The following ITSN1 variants were observed in gnomAD, a reference collection of about 807,000 sequenced individuals.
ITSN1 encodes intersectin-1.
ITSN1 carries 58 observed loss-of-function variants against 239.8 expected under a neutral mutation model. The ratio of observed to expected loss-of-function variants is 0.24; its 90% CI spans 0.20 to 0.30. The LOEUF (loss-of-function observed/expected upper bound fraction) is 0.30, where lower values mean the gene tolerates loss of function less well. Ranked by LOEUF, ITSN1 falls within the 10% of genes least tolerant of loss-of-function variation. The pLI, the probability that ITSN1 is intolerant of heterozygous loss-of-function variation, is 1.00. For synonymous variants in ITSN1, 780 were observed against 770.8 expected (o/e 1.01, Z -0.20); for missense variants, 1,558 against 2,103.3 (o/e 0.74, Z 5.07).
intron 4 of ITSN1, among the ~76,000 whole-genome samples, chr21:33,729,600 G>C (rs1433929213): frequency 1.3e-5 from 2 of 152,156 alleles, no homozygotes; most frequent in Non-Finnish European, 2.9e-5. Context: ...CACAGAAACT[G>C]TGCTTTTCTC....
chr21:33,784,362 G>A (rs1210900501), intron 16 of ITSN1, among the ~76,000 whole-genome samples: 1 of 120,082 alleles, frequency 8.3e-6, no homozygotes, highest in Non-Finnish European at 1.9e-5. Flanking sequence ...CACTAGTCAG[G>A]TATGGTGGCA....
intron 1 of ITSN1, among the ~76,000 whole-genome samples, chr21:33,662,606 G>A (rs1178092221): frequency 2.6e-5 from 4 of 152,130 alleles, no homozygotes; most frequent in African/African-American, 9.7e-5. Flanking sequence ...TAATCAGGAA[G>A]GTTTCTTGGT....
At chr21:33,844,701 C>T (rs796751183) in intron 29 of ITSN1, among the ~76,000 whole-genome samples, 25 of 152,162 alleles carry the variant, frequency 1.6e-4, no homozygotes, top group African/African-American at 6.0e-4. Context: ...TTAGGCCCCC[C>T]AGGAGAGCGA....
chr21:33,806,598 G>A (rs973255614), intron 20 of ITSN1, among the ~76,000 whole-genome samples: 3 of 152,232 alleles, frequency 2.0e-5, no homozygotes, highest in African/African-American at 7.2e-5. Flanking sequence ...GCTACAATAT[G>A]CAGTGTGTAA....
intron 26 of ITSN1, among the ~76,000 whole-genome samples, chr21:33,828,654 CCTTCTTTT>C (rs2074111787): frequency 6.6e-6 from 1 of 152,060 alleles, no homozygotes; most frequent in East Asian, 1.9e-4. Flanking sequence ...GTCCTTCTTT[CCTTCTTTT>C]CTCCTTTCGT....
At chr21:33,723,917 T>A (rs1242324129) in intron 4 of ITSN1, among the ~76,000 whole-genome samples, 1 of 152,204 alleles carries the variant, frequency 6.6e-6, no homozygotes, top group East Asian at 1.9e-4. Context: ...CCTCTTAAAT[T>A]ACCAAACTTT....
intron 28 of ITSN1, 41 bp downstream of exon 28, chr21:33,834,465 G>A (rs1439473324): frequency 2.2e-6 from 3 of 1,348,132 alleles, no homozygotes; most frequent in Admixed American, 3.8e-5. Context: ...TGGTCTGCAT[G>A]CCACTTGAGT....
intron 34 of ITSN1, among the ~76,000 whole-genome samples, chr21:33,876,341 CT>C (rs1983911256): frequency 6.8e-6 from 1 of 146,684 alleles, no homozygotes; most frequent in Non-Finnish European, 1.5e-5. Flanking sequence ...TCCTTCCTTC[CT>C]TTCTCCTTCT....
At chr21:33,795,101 CA>C (rs2071435565) in intron 17 of ITSN1, among the ~76,000 whole-genome samples, 1 of 152,122 alleles carries the variant, frequency 6.6e-6, no homozygotes, top group Non-Finnish European at 1.5e-5. Flanking sequence ...CTCCACGAAA[CA>C]AAAATGACCA....
chr21:33,865,477 G>A lies in ITSN1; in HGVS notation c.4074+143G>A. On this transcript the variant is annotated intron_variant, in intron 32 of 39. Transcript: ENST00000381318. This position sits in a 1 kb window ranked among gnomAD's most constrained non-coding sequence, Gnocchi z 4.4. ...CTAGGGTCTTGGCTAAGCCTTAGGG[G>A]ACTGGCACTCACTGGCAAGTGTGGC... is the stretch of plus-strand genomic sequence containing the variant. The A allele has an allele frequency of 1.6e-6, 1 of 641,796 alleles. No homozygotes were observed. The highest frequency in any genetic ancestry group is 2.5e-6 in the Non-Finnish European group (1 of 399,966). 39.8% of individuals were successfully genotyped at this position (641,796 alleles called of 1,614,324 possible). A position where few individuals can be genotyped will look rare whatever the true frequency, so the allele number is the denominator to read the frequency against.
At position 33,750,174 on chromosome 21, in the gene ITSN1, T is replaced by G; in HGVS notation, c.378T>G (p.Leu126=). ...GAGGTATCGCCAGCATGCCACCGCT[T>G]ACAGCTGTTGCTCCAGTGCCAATGG... ...GMGGIASMPP[L]TAVAPVPMGS... is the part of the protein sequence containing the mutation. The change falls in exon 6 of 40, where the codon CTT becomes CTG. Residue 126 remains leucine, a synonymous_variant. Transcript: ENST00000381318. The G allele has an allele frequency of 6.2e-7, 1 of 1,614,164 alleles. No individual in the cohort carries two copies. The highest frequency in any genetic ancestry group is 1.1e-5 in the South Asian group (1 of 91,084).
At chr21:33,722,149 G>A (rs753177063) in intron 3 of ITSN1, among the ~76,000 whole-genome samples, 19 of 151,992 alleles carry the variant, frequency 1.3e-4, no homozygotes, top group Non-Finnish European at 2.1e-4. Flanking sequence ...CTCAGGTGTC[G>A]TTCTTAATCA....
chr21:33,767,599 A>G (rs1032064700), intron 10 of ITSN1, 114 bp from the exon 11 acceptor site: 56 of 507,362 alleles, frequency 1.1e-4, no homozygotes, highest in African/African-American at 1.0e-3. Flanking sequence ...CTTACTGTAA[A>G]TGAAATTTGC....
At chr21:33,860,450 C>A (rs1196695927) in intron 31 of ITSN1, among the ~76,000 whole-genome samples, 3 of 152,210 alleles carry the variant, frequency 2.0e-5, no homozygotes, top group African/African-American at 7.2e-5. Context: ...GGGCTTCCCC[C>A]ACTTCAGGGT....
chr21:33,755,429 T>G, intron 8 of ITSN1, 32 bp downstream of exon 8: 4 of 1,190,634 alleles, frequency 3.4e-6, no homozygotes, highest in Non-Finnish European at 4.9e-6. Flanking sequence ...TGAAATATGA[T>G]CTTTGTTTTC....
At chr21:33,799,619 TG>T (rs1199681132) in intron 18 of ITSN1, among the ~76,000 whole-genome samples, 188 bp from the exon 19 acceptor site, 11 of 152,172 alleles carry the variant, frequency 7.2e-5, no homozygotes, top group African/African-American at 2.7e-4. Context: ...CATGGGTTTT[TG>T]TTGCTGACGT....
chr21:33,672,714 ATT>A (rs1280113093), intron 1 of ITSN1, among the ~76,000 whole-genome samples: 9 of 142,626 alleles, frequency 6.3e-5, no homozygotes, highest in East Asian at 2.0e-4. Context: ...TATGGAAACG[ATT>A]TTTTTTTTTT....
chr21:33,758,997 T>C (rs1362274466), intron 8 of ITSN1, among the ~76,000 whole-genome samples: 6 of 152,222 alleles, frequency 3.9e-5, no homozygotes, highest in Non-Finnish European at 8.8e-5. Flanking sequence ...TTTTGCAACA[T>C]TGATTTAGGA....
In ITSN1 at chr21:33,782,045, G is replaced by A. The variant is rs749894224; in HGVS notation, c.1736G>A (p.Arg579Gln). Residue 579 changes from arginine to glutamine, a missense_variant, in exon 16 of 40, where the codon CGG becomes CAG. Physicochemically the swap from Arg to Gln is conservative, Grantham distance 43. Transcript: ENST00000381318. The part of the protein sequence containing the change: ...KRALEAKELA[R>Q]QHLRDQLDEV... The stretch of plus-strand genomic sequence containing the variant: ...GCCTTAGAAGCAAAAGAACTAGCTC[G>A]GCAGCACCTACGAGACCAACTGGAT... 34 of 1,613,606 alleles carry A rather than the reference G, an allele frequency of 2.1e-5. No individual in the cohort carries two copies. The highest frequency in any genetic ancestry group is 5.3e-5 in the African/African-American group (4 of 74,950).
Sources: allele counts gnomAD v4.1 joint callset (sites outside exome capture counted in the v4.1 genomes callset), GRCh38; gene constraint gnomAD v4.1.1; non-coding constraint Gnocchi (gnomAD v3.1); transcripts MANE v1.5; gene names NCBI Gene and HGNC (gene_info 2026-07-23, HGNC 2026-07-21).